The following ABCB11 variants were observed in gnomAD, a reference collection of about 807,000 sequenced individuals.
ABCB11 encodes the protein bile salt export pump.
In ABCB11, 95 loss-of-function variants were observed where a neutral mutation model predicts 148.0. The ratio of observed to expected loss-of-function variants is 0.64; its 90% confidence interval spans 0.54 to 0.76. ABCB11 has a LOEUF of 0.76. Among genes scored for constraint, ABCB11 ranks in the 30% least tolerant of loss-of-function variants. The pLI, the probability that ABCB11 is intolerant of heterozygous loss-of-function variation, is 0.00. For missense variants in ABCB11, 1,523 were observed against 1,617.8 expected, an observed-to-expected ratio of 0.94 and a Z score of 1.01; for synonymous variants, 591 against 555.4, an observed-to-expected ratio of 1.06 and a Z score of -0.90.
intron 26 of ABCB11, among the ~76,000 whole-genome samples, chr2:168,925,855 C>T (rs1691286113): frequency 6.6e-6 from 1 of 152,114 alleles, no homozygotes; most frequent in Admixed American, 6.6e-5. Flanking sequence ...AGTGCCTTGC[C>T]CAACATGAGT....
At chr2:168,996,595 TC>T in intron 6 of ABCB11, 39 bp downstream of exon 6, 1 of 1,219,204 alleles carries the variant, frequency 8.2e-7, no homozygotes, top group South Asian at 1.8e-5. Context: ...GTCTTTGAGG[TC>T]AGATATTGAT....
At position 169,029,273 on chromosome 2, in the gene ABCB11, CTT is replaced by C. The variant is rs4148769; in HGVS notation, c.-28+1950_-28+1951del. 0.017 allele frequency among the ~76,000 whole-genome samples: 2,495 copies of C among 147,022 alleles called. 140 individuals carry two copies. The East Asian group carries it at 0.21, about 13-fold the overall frequency. The stretch of plus-strand genomic sequence containing the variant: ...TCTAAACTACAGTTTTCTTTTCTTT[CTT>C]TTTTTTTTTTTTAAAGCCCTTAAAA... On this transcript the variant is annotated intron_variant, in intron 1 of 27. Coordinates refer to ENST00000650372, the MANE Select transcript of ABCB11 (RefSeq NM_003742.4).
In ABCB11 at chr2:168,921,586, T is replaced by C. The variant is rs563413903; in HGVS notation, c.*2036A>G. 6.6e-6 allele frequency among the ~76,000 whole-genome samples: 1 copy of C among 152,286 alleles called. No individual in the cohort carries two copies. The highest frequency in any genetic ancestry group is 1.5e-5 in the Non-Finnish European group (1 of 68,012). ...CACATTTATTACCATTTTTTGAGTG[T>C]TTTTCTAATCACTGCATTGGCTCTG... On this transcript the variant is annotated 3_prime_UTR_variant, in exon 28 of 28. Coordinates refer to ENST00000650372, the MANE Select transcript of ABCB11 (RefSeq NM_003742.4).
chr2:168,924,837 A>T, intron 26 of ABCB11, 34 bp from the exon 27 acceptor site: 1 of 1,596,140 alleles, frequency 6.3e-7, no homozygotes. Context: ...GAGAAATAGA[A>T]ACAGTTATTG....
At chr2:168,958,194 TG>T (rs1574432097) in intron 18 of ABCB11, 66 bp from the exon 19 acceptor site, 6 of 1,485,914 alleles carry the variant, frequency 4.0e-6, no homozygotes, top group Non-Finnish European at 5.6e-6. Flanking sequence ...GCAGATCCTT[TG>T]GCATTCACAG....
chr2:168,959,241 A>G (rs1337644906), intron 18 of ABCB11, among the ~76,000 whole-genome samples: 5 of 151,650 alleles, frequency 3.3e-5, no homozygotes, highest in African/African-American at 1.2e-4. Flanking sequence ...TACTACCTCC[A>G]CTTCAAGTTC....
Position 168,996,654 on chromosome 2 carries a change from A to G in ABCB11, c.458T>C (p.Leu153Pro). 1 of 1,560,842 alleles carries G rather than the reference A, an allele frequency of 6.4e-7. No homozygotes were observed. The highest frequency in any genetic ancestry group is 8.7e-7 in the Non-Finnish European group (1 of 1,149,502). ...ACTAACTTGAATATATCCTGTGATAAGTACTGCGACAGCAATTCCAGCATA... is the reference window on the plus strand; with the variant it reads ...ACTAACTTGAATATATCCTGTGATAGGTACTGCGACAGCAATTCCAGCATA... ...SYYAGIAVAV[L>P]ITGYIQICFW... Residue 153 changes from leucine to proline, a missense_variant, in exon 6 of 28, where the codon CTT becomes CCT. Coordinates refer to ENST00000650372, the MANE Select transcript of ABCB11 (RefSeq NM_003742.4).
chr2:168,997,603 TA>T (rs1694755479), intron 5 of ABCB11, among the ~76,000 whole-genome samples: 1 of 152,044 alleles, frequency 6.6e-6, no homozygotes, highest in African/African-American at 2.4e-5. Context: ...TTAAATGGTA[TA>T]GAGTCTACTT....
At chr2:169,023,205 T>C (rs1461699017) in intron 1 of ABCB11, among the ~76,000 whole-genome samples, 1 of 152,186 alleles carries the variant, frequency 6.6e-6, no homozygotes, top group Non-Finnish European at 1.5e-5. Context: ...AGAATATCCT[T>C]CTCTGGTATT....
intron 1 of ABCB11, among the ~76,000 whole-genome samples, chr2:169,025,068 AAAC>A (rs1393197474): frequency 6.6e-6 from 1 of 152,212 alleles, no homozygotes; most frequent in Non-Finnish European, 1.5e-5. Flanking sequence ...AGAAAATAAT[AAAC>A]AACATTTAAC....
chr2:168,975,781 T>TATATATATCACATATATATC (rs1341170286), intron 12 of ABCB11, among the ~76,000 whole-genome samples: 4 of 147,900 alleles, frequency 2.7e-5, no homozygotes, highest in African/African-American at 4.9e-5. Context: ...AGATATATGA[T>TATATATATCACATATATATC]ATATATATCA....
At chr2:168,953,957 T>C (rs1013464824) in intron 19 of ABCB11, among the ~76,000 whole-genome samples, 1 of 151,660 alleles carries the variant, frequency 6.6e-6, no homozygotes, top group African/African-American at 2.4e-5. Flanking sequence ...TCACCTTACA[T>C]ATGTTGATTG....
At chr2:168,999,475 C>T (rs1475320554) in intron 5 of ABCB11, among the ~76,000 whole-genome samples, 1 of 152,048 alleles carries the variant, frequency 6.6e-6, no homozygotes, top group Non-Finnish European at 1.5e-5. Flanking sequence ...TATATCTCCA[C>T]ATGCTTCTAT....
intron 1 of ABCB11, among the ~76,000 whole-genome samples, chr2:169,027,435 T>C (rs796604160): frequency 7.9e-5 from 12 of 152,356 alleles, no homozygotes; most frequent in African/African-American, 2.6e-4. Flanking sequence ...AGTTTTCTCT[T>C]GATAAAATGT....
chr2:168,915,788 T>C (rs1216664899), downstream of ABCB11, among the ~76,000 whole-genome samples: 1 of 152,232 alleles, frequency 6.6e-6, no homozygotes, highest in Non-Finnish European at 1.5e-5. Flanking sequence ...CTATATTTCA[T>C]TGACAAGACA....
intron 21 of ABCB11, among the ~76,000 whole-genome samples, chr2:168,941,805 C>T (rs73016694): frequency 0.024 from 3,674 of 152,042 alleles, 138 homozygotes; most frequent in African/African-American, 0.082. Context: ...CAACCACCAC[C>T]GTGGTCAGTC....
Position 168,944,881 on chromosome 2 carries a change from T to C in ABCB11, c.2424A>G (p.Val808=). 1.3e-6 allele frequency: 2 copies of C among 1,584,482 alleles called. No individual in the cohort carries two copies. The highest frequency in any genetic ancestry group is 4.6e-5 in the East Asian group (2 of 43,388). The stretch of plus-strand genomic sequence containing the variant: ...CCTGTAGAAATTGGGTGAAAAGAGA[T>C]ACACAGCCCATTGCTACAAAAAGTA... ...VCLLFVAMGC[V]SLFTQFLQGY... Residue 808 remains valine, a synonymous_variant, in exon 20 of 28, where the codon GTA becomes GTG. Coordinates refer to ENST00000650372, the MANE Select transcript of ABCB11 (RefSeq NM_003742.4).
chr2:168,995,294 A>G (rs1694676920), intron 7 of ABCB11, 55 bp downstream of exon 7: 3 of 1,529,542 alleles, frequency 2.0e-6, no homozygotes, highest in Non-Finnish European at 2.6e-6. Flanking sequence ...TTTAGAAACA[A>G]GGGTTTTATT....
rs1694311697 is a variant in ABCB11, at chr2:168,986,153, A to C, written c.1040T>G (p.Leu347Arg). The C allele has an allele frequency of 6.2e-7, 1 of 1,612,660 alleles. No homozygotes were observed. The highest frequency in any genetic ancestry group is 8.5e-7 in the Non-Finnish European group (1 of 1,179,332). The change falls in exon 10 of 28, where the codon CTT (leucine) becomes CGT (arginine). Residue 347 changes from leucine to arginine, a missense_variant. Leu to Arg is a moderately radical substitution (Grantham distance 102). Coordinates refer to ENST00000650372, the MANE Select transcript of ABCB11 (RefSeq NM_003742.4). ...TGTATATTCTCCTTCATCCAGGACA[A>C]GTGTGGAGCCGTACCAGAAGGCCAG... ...YALAFWYGST[L>R]VLDEGEYTPG...
Sources: allele counts gnomAD v4.1 joint callset (sites outside exome capture counted in the v4.1 genomes callset), GRCh38; gene constraint gnomAD v4.1.1; transcripts MANE v1.5; gene names NCBI Gene and HGNC (gene_info 2026-07-23, HGNC 2026-07-21).